The following STON2 variants were observed in gnomAD, a reference collection of about 807,000 sequenced individuals.
STON2 encodes the protein stonin 2, also known as stonin-2.
STON2 carries 29 observed loss-of-function variants against 65.7 expected under a neutral mutation model. The ratio of observed to expected loss-of-function variants is 0.44; its 90% CI spans 0.33 to 0.60. STON2 has a LOEUF of 0.60. STON2 is among the 20% of genes least tolerant of loss of function. The probability of loss-of-function intolerance (pLI) is 0.03; values close to 1 mark genes in which losing one functional copy is unlikely to be tolerated. For missense variants in STON2, 1,054 were observed against 1,118.1 expected (o/e 0.94, Z 0.82); for synonymous variants, 404 against 414.2 (o/e 0.98, Z 0.30).
chr14:81,397,672 T>A (rs1900393253), intron 2 of STON2, among the ~76,000 whole-genome samples: 1 of 152,198 alleles, frequency 6.6e-6, no homozygotes, highest in Non-Finnish European at 1.5e-5. Flanking sequence ...TCCTGGATCC[T>A]ACCTTGACCT....
chr14:81,363,578 A>G (rs1898591675), intron 4 of STON2, among the ~76,000 whole-genome samples: 1 of 152,106 alleles, frequency 6.6e-6, no homozygotes, highest in African/African-American at 2.4e-5. Flanking sequence ...AAGAACAGAA[A>G]TGAGGTCAAA....
intron 4 of STON2, among the ~76,000 whole-genome samples, chr14:81,330,562 T>C (rs529939376): frequency 6.6e-6 from 1 of 152,346 alleles, no homozygotes; most frequent in African/African-American, 2.4e-5. Flanking sequence ...TAAAAATGTA[T>C]TTTTTACAAC....
intron 5 of STON2, among the ~76,000 whole-genome samples, chr14:81,289,149 G>A (rs546196461): frequency 6.6e-6 from 1 of 152,166 alleles, no homozygotes. Context: ...TAGGTTCCTG[G>A]ATGTTAGTGA....
intron 5 of STON2, among the ~76,000 whole-genome samples, chr14:81,294,582 G>A (rs1238572700): frequency 6.6e-6 from 1 of 152,148 alleles, no homozygotes; most frequent in Non-Finnish European, 1.5e-5. Flanking sequence ...CTGAGTTAAT[G>A]TATATGAAGT....
rs1894307944 is a variant in STON2 at position 81,265,166 on chromosome 14, G to GAT, written c.*3247_*3248insAT. On this transcript the variant is annotated 3_prime_UTR_variant, in exon 8 of 8. Coordinates refer to ENST00000614646, the MANE Select transcript of STON2 (RefSeq NM_001394390.1). ...AATTTGCCCAACTGTTTTCTATGTA[G>GAT]GTTATTACATAGCTAATTTGCCCAC... The GAT allele has an allele frequency of 1.0e-6, 1 of 984,380 alleles. No individual in the cohort carries two copies. The highest frequency in any genetic ancestry group is 1.8e-5 in the African/African-American group (1 of 57,056). 61.0% of individuals were successfully genotyped at this position (984,380 alleles called of 1,614,324 possible).
chr14:81,387,886 A>C (rs1245068402), intron 3 of STON2, among the ~76,000 whole-genome samples: 9 of 147,308 alleles, frequency 6.1e-5, no homozygotes, highest in Non-Finnish European at 1.0e-4. Context: ...AGTGAGACTC[A>C]GTCTCAAAAA....
chr14:81,366,771 G>A (rs979685251), intron 4 of STON2, among the ~76,000 whole-genome samples: 9 of 152,126 alleles, frequency 5.9e-5, no homozygotes, highest in South Asian at 2.1e-4. Flanking sequence ...CAGAGGAGTC[G>A]ACAGTAATTA....
intron 3 of STON2, among the ~76,000 whole-genome samples, chr14:81,386,465 C>G (rs978131085): frequency 2.6e-5 from 4 of 152,178 alleles, no homozygotes; most frequent in African/African-American, 9.7e-5. Context: ...GACATCATCT[C>G]TGATCCTCCC....
At chr14:81,317,090 G>A (rs924529812) in intron 5 of STON2, among the ~76,000 whole-genome samples, 1 of 152,240 alleles carries the variant, frequency 6.6e-6, no homozygotes, top group Non-Finnish European at 1.5e-5. Flanking sequence ...AAGCATGGCA[G>A]CAGCATCTGC....
chr14:81,357,691 T>C (rs1898305423), intron 4 of STON2, among the ~76,000 whole-genome samples: 1 of 152,118 alleles, frequency 6.6e-6, no homozygotes, highest in African/African-American at 2.4e-5. Flanking sequence ...ATATACACCA[T>C]GGAATACTAC....
intron 3 of STON2, among the ~76,000 whole-genome samples, chr14:81,372,118 T>C (rs182010267): frequency 6.6e-6 from 1 of 152,216 alleles, no homozygotes. Context: ...TTTATCTCCT[T>C]AGTCTTGAGA....
At chr14:81,295,624 C>T (rs1350608147) in intron 5 of STON2, among the ~76,000 whole-genome samples, 1 of 152,170 alleles carries the variant, frequency 6.6e-6, no homozygotes, top group African/African-American at 2.4e-5. Context: ...ACTCAAGTGA[C>T]TTGTCCCCCA....
In STON2 at chr14:81,398,340, A is replaced by T. The variant is rs1336683123; in HGVS notation, c.43T>A (p.Trp15Arg). Residue 15 changes from tryptophan (W) to arginine (R), a missense_variant, in exon 2 of 8, where the codon TGG becomes AGG. Coordinates refer to ENST00000614646, the MANE Select transcript of STON2 (RefSeq NM_001394390.1). ...DHVIATHQSE[W>R]VSFNEEPPFP... ...GGTGGCTCTTCATTGAAGGAGACCC[A>T]TTCTGACTGGTGGGTGGCAATCACA... 1 of 1,614,008 alleles carries T rather than the reference A, an allele frequency of 6.2e-7. No individual in the cohort carries two copies. Among genetic ancestry groups the T allele is most frequent in the African/African-American group, 1.3e-5 (1 of 74,940 alleles).
chr14:81,307,605 G>T (rs2140202279), intron 5 of STON2, among the ~76,000 whole-genome samples: 1 of 152,192 alleles, frequency 6.6e-6, no homozygotes, highest in Middle Eastern at 3.4e-3. Context: ...TGAACCACAG[G>T]GGTTTGAACT....
intron 4 of STON2, among the ~76,000 whole-genome samples, chr14:81,367,636 C>T (rs1227732859): frequency 6.6e-6 from 1 of 152,182 alleles, no homozygotes; most frequent in East Asian, 1.9e-4. Flanking sequence ...GAGCTCTACC[C>T]TGATAGCACA....
intron 3 of STON2, among the ~76,000 whole-genome samples, chr14:81,381,787 A>C (rs1899531510): frequency 6.6e-6 from 1 of 152,202 alleles, no homozygotes; most frequent in Non-Finnish European, 1.5e-5. Flanking sequence ...CTGAATATGA[A>C]CACATCCTAA....
intron 3 of STON2, chr14:81,395,635 T>G (rs1900277367): frequency 2.2e-6 from 1 of 454,776 alleles, no homozygotes; most frequent in Non-Finnish European, 3.9e-6. Flanking sequence ...TGCATTATTT[T>G]AAAGACAAGT....
At chr14:81,278,820 T>G in intron 5 of STON2, 81 bp from the exon 6 acceptor site, 1 of 1,109,766 alleles carries the variant, frequency 9.0e-7, no homozygotes, top group Non-Finnish European at 1.2e-6. Flanking sequence ...AATGAGGGAT[T>G]ACTAGAATTT....
intron 4 of STON2, among the ~76,000 whole-genome samples, chr14:81,368,181 T>A (rs978391617): frequency 2.0e-5 from 3 of 152,116 alleles, no homozygotes; most frequent in African/African-American, 7.2e-5. Context: ...ATAACTATGG[T>A]GACTGTTTGG....
Sources: allele counts gnomAD v4.1 joint callset (sites outside exome capture counted in the v4.1 genomes callset), GRCh38; gene constraint gnomAD v4.1.1; transcripts MANE v1.5; gene names NCBI Gene and HGNC (gene_info 2026-07-23, HGNC 2026-07-21).